The following TRPM3 variants were observed in gnomAD, a reference collection of about 807,000 sequenced individuals.
TRPM3 encodes the protein long transient receptor potential channel 3.
TRPM3 carries 77 observed loss-of-function variants against 181.2 expected under a neutral mutation model. That is an observed-to-expected ratio of 0.42 (90% CI 0.35 to 0.51). The LOEUF is 0.51. TRPM3 is among the 20% of genes least tolerant of loss of function. The probability of loss-of-function intolerance (pLI) is 0.01; values close to 1 mark genes in which losing one functional copy is unlikely to be tolerated. For synonymous variants in TRPM3, 745 were observed against 796.4 expected (o/e 0.94, Z 1.09); for missense variants, 1,759 against 2,196.7 (o/e 0.80, Z 3.98).
intron 6 of TRPM3, among the ~76,000 whole-genome samples, chr9:70,815,980 T>C (rs2092653340): frequency 6.6e-6 from 1 of 152,220 alleles, no homozygotes; most frequent in South Asian, 2.1e-4. Context: ...AAGTGCTTGC[T>C]TGTGGTTTCA....
chr9:70,594,221 A>G (rs2058616754), intron 21 of TRPM3, among the ~76,000 whole-genome samples: 1 of 151,946 alleles, frequency 6.6e-6, no homozygotes, highest in Admixed American at 6.6e-5. Flanking sequence ...ATAATAATAC[A>G]TTTATTTTAT....
intron 3 of TRPM3, among the ~76,000 whole-genome samples, chr9:70,853,646 A>G (rs2095305707): frequency 6.6e-6 from 1 of 152,218 alleles, no homozygotes; most frequent in Non-Finnish European, 1.5e-5. Flanking sequence ...ACCTCTTTTG[A>G]CCAGTACTAA....
At chr9:70,804,469 TTTTCTC>T (rs1193469675) in intron 6 of TRPM3, among the ~76,000 whole-genome samples, 1 of 152,134 alleles carries the variant, frequency 6.6e-6, no homozygotes, top group Non-Finnish European at 1.5e-5. Context: ...AGTTGTTTGT[TTTTCTC>T]TTTCTCTCAT....
At position 70,827,981 on chromosome 9, in the gene TRPM3, C is replaced by T; in HGVS notation, c.839G>A (p.Ser280Asn). The change falls in exon 6 of 26, where the codon AGC (serine) becomes AAC (asparagine). Residue 280 changes from serine (S) to asparagine (N), a missense_variant. By Grantham distance (46) the Ser-to-Asn change is conservative. Transcript: ENST00000677713. Reference protein sequence around the residue: ...RPYQTMSNPMSKLTVLNSMHS... With the variant: ...RPYQTMSNPMNKLTVLNSMHS... ...CATGCTGTTGAGAACAGTGAGCTTG[C>T]TCATGGGATTGGACATGGTCTGGTA... The T allele has an allele frequency of 6.2e-7, 1 of 1,613,886 alleles. No homozygotes were observed. The highest frequency in any genetic ancestry group is 8.5e-7 in the Non-Finnish European group (1 of 1,179,882).
intron 22 of TRPM3, among the ~76,000 whole-genome samples, chr9:70,555,989 T>C (rs2047600400): frequency 6.6e-6 from 1 of 152,226 alleles, no homozygotes. Flanking sequence ...GCAGAGCTCA[T>C]TTATCTTGCT....
intron 8 of TRPM3, among the ~76,000 whole-genome samples, chr9:70,698,677 C>T (rs555987502): frequency 6.6e-6 from 1 of 152,246 alleles, no homozygotes; most frequent in East Asian, 1.9e-4. Context: ...GGAGGTGGGC[C>T]TGGTGGGAGG....
At chr9:71,006,352 T>G (rs1312873448) in intron 1 of TRPM3, among the ~76,000 whole-genome samples, 1 of 152,078 alleles carries the variant, frequency 6.6e-6, no homozygotes, top group Non-Finnish European at 1.5e-5. Context: ...AATAATAACC[T>G]TGAATGTAAA....
chr9:71,292,967 T>C (rs1199775382), intron 1 of TRPM3, among the ~76,000 whole-genome samples: 5 of 152,104 alleles, frequency 3.3e-5, no homozygotes, highest in South Asian at 4.1e-4. Flanking sequence ...ATTGTGTTTA[T>C]CTCAAGAATA....
chr9:71,095,711 A>G (rs1488773818), intron 1 of TRPM3, among the ~76,000 whole-genome samples: 3 of 139,898 alleles, frequency 2.1e-5, no homozygotes, highest in Non-Finnish European at 3.0e-5. Context: ...GTGAGCTGAC[A>G]TTGCGTGACT....
chr9:70,552,063 T>C (rs1165624364), intron 24 of TRPM3, among the ~76,000 whole-genome samples: 1 of 152,174 alleles, frequency 6.6e-6, no homozygotes, highest in African/African-American at 2.4e-5. Context: ...TCCCAGAGGC[T>C]CTTGTTCAGT....
At chr9:71,182,381 G>A (rs1783785596) in intron 1 of TRPM3, among the ~76,000 whole-genome samples, 1 of 151,956 alleles carries the variant, frequency 6.6e-6, no homozygotes, top group Non-Finnish European at 1.5e-5. Context: ...GGCCCTCCAG[G>A]GTTTCAAACC....
intron 1 of TRPM3, among the ~76,000 whole-genome samples, chr9:70,953,286 A>T (rs1011233587): frequency 1.3e-5 from 2 of 152,296 alleles, no homozygotes; most frequent in Non-Finnish European, 2.9e-5. Flanking sequence ...ATAAGGGTGG[A>T]TGATTGGGAG....
At chr9:71,315,906 G>C (rs1457121154) in intron 1 of TRPM3, among the ~76,000 whole-genome samples, 2 of 152,220 alleles carry the variant, frequency 1.3e-5, no homozygotes, top group East Asian at 3.9e-4. Flanking sequence ...ACAAAATTTG[G>C]TTTATAGTTT....
chr9:71,182,169 C>G (rs565774009), intron 1 of TRPM3, among the ~76,000 whole-genome samples: 2 of 151,932 alleles, frequency 1.3e-5, no homozygotes, highest in African/African-American at 4.8e-5. Context: ...TTTTTTTTCT[C>G]AAACATGTAT....
At chr9:71,246,657 C>A (rs1027307589) in intron 1 of TRPM3, among the ~76,000 whole-genome samples, 6 of 152,182 alleles carry the variant, frequency 3.9e-5, no homozygotes, top group South Asian at 2.1e-4. Context: ...CATTCGCATA[C>A]AATTTTATCA....
At chr9:71,121,643 C>T (rs560719999), upstream of TRPM3, 6 of 1,164,836 alleles carry the variant, frequency 5.2e-6, no homozygotes, top group South Asian at 1.0e-4. Flanking sequence ...CTCCCGCTCT[C>T]CTCCCAGTAA....
At chr9:71,442,330 C>CT (rs768238753) in intron 1 of TRPM3, among the ~76,000 whole-genome samples, 15 of 152,280 alleles carry the variant, frequency 9.9e-5, no homozygotes, top group Admixed American at 9.2e-4. Context: ...AGCACAGTTT[C>CT]TTTTTTTCCT....
At chr9:71,415,894 AAC>A (rs1005406665) in intron 1 of TRPM3, among the ~76,000 whole-genome samples, 3 of 151,988 alleles carry the variant, frequency 2.0e-5, no homozygotes, top group African/African-American at 7.2e-5. Flanking sequence ...TATTTCCAAA[AAC>A]ACTCACCCTA....
At chr9:71,190,618 C>T (rs2077960701) in intron 1 of TRPM3, among the ~76,000 whole-genome samples, 1 of 151,852 alleles carries the variant, frequency 6.6e-6, no homozygotes, top group South Asian at 2.1e-4. Flanking sequence ...ATTTCAAAAA[C>T]TCTTTAGGAT....
Sources: gnomAD v4.1 joint callset for allele counts (sites outside exome capture counted in the v4.1 genomes callset) on GRCh38, gnomAD v4.1.1 for gene constraint, MANE v1.5 for transcripts, NCBI Gene and HGNC (gene_info 2026-07-23, HGNC 2026-07-21) for gene names.